The following DOCK9 variants were observed in gnomAD, a reference collection of about 807,000 sequenced individuals.
The protein encoded by DOCK9 is dedicator of cytokinesis 9, also known as dedicator of cytokinesis protein 9.
DOCK9 carries 89 observed loss-of-function variants against 263.3 expected under a neutral mutation model. That is an observed-to-expected ratio of 0.34 (90% confidence interval 0.28 to 0.40). The LOEUF (loss-of-function observed/expected upper bound fraction) is 0.40, where lower values mean the gene tolerates loss of function less well. DOCK9 is among the 10% of genes least tolerant of loss of function. The probability of loss-of-function intolerance (pLI) is 1.00; values close to 1 mark genes in which losing one functional copy is unlikely to be tolerated. For missense variants in DOCK9, 2,140 were observed against 2,603.4 expected, an observed-to-expected ratio of 0.82 and a Z score of 3.87; for synonymous variants, 976 against 973.1, an observed-to-expected ratio of 1.00 and a Z score of -0.06.
At chr13:98,887,125 T>TTATATA (rs1160298057) in intron 18 of DOCK9, among the ~76,000 whole-genome samples, 11 of 102,582 alleles carry the variant, frequency 1.1e-4, no homozygotes, top group African/African-American at 3.4e-4. Flanking sequence ...ATACTATATT[T>TTATATA]TATATATATA....
chr13:98,824,621 T>C, intron 44 of DOCK9, 117 bp from the exon 45 acceptor site: 1 of 921,100 alleles, frequency 1.1e-6, no homozygotes, highest in African/African-American at 1.6e-5. Flanking sequence ...TTTTGAAATC[T>C]CTTAGGCACC....
rs569194609 is a variant in DOCK9 at position 98,856,727 on chromosome 13, C to T, written c.3698-696G>A. 5 of 152,250 alleles carry T rather than the reference C, an allele frequency of 3.3e-5. No individual in the cohort carries two copies. The East Asian group carries it at 9.6e-4, about 29-fold the overall frequency. 9.4% of individuals were successfully genotyped at this position (152,250 alleles called of 1,614,324 possible). On this transcript the variant is annotated intron_variant, in intron 33 of 52. Transcript: ENST00000682017. ...TTATTAAAAATAAAATTAATTGTTTCCTTTAAATTTATGTGTATTATTTCT... is the reference window on the plus strand; with the variant it reads ...TTATTAAAAATAAAATTAATTGTTTTCTTTAAATTTATGTGTATTATTTCT...
intron 7 of DOCK9, among the ~76,000 whole-genome samples, chr13:98,917,819 C>A (rs930104706): frequency 6.6e-6 from 1 of 152,026 alleles, no homozygotes; most frequent in African/African-American, 2.4e-5. Context: ...GTATTTCTTG[C>A]TTTTTGAGAA....
intron 1 of DOCK9, among the ~76,000 whole-genome samples, chr13:98,987,757 T>A (rs1878802327): frequency 6.6e-6 from 1 of 152,246 alleles, no homozygotes; most frequent in Non-Finnish European, 1.5e-5. Flanking sequence ...GTTCACATAG[T>A]TACTATGCTT....
At chr13:98,837,637 G>T in intron 38 of DOCK9, 28 bp from the exon 39 acceptor site, 1 of 1,540,556 alleles carries the variant, frequency 6.5e-7, no homozygotes, top group Non-Finnish European at 9.0e-7. Flanking sequence ...CAAGATTACT[G>T]CCCAGTGGTT....
At chr13:98,842,010 GAT>G (rs869164744) in intron 38 of DOCK9, among the ~76,000 whole-genome samples, 1 of 151,944 alleles carries the variant, frequency 6.6e-6, no homozygotes, top group South Asian at 2.1e-4. Flanking sequence ...CAATTTTAAA[GAT>G]ATATTATCCA....
In DOCK9 at chr13:98,803,646, G is replaced by GT. The variant is rs769243868; in HGVS notation, c.5725+1352dup. 9.2e-5 allele frequency among the ~76,000 whole-genome samples: 14 copies of GT among 152,122 alleles called. No homozygotes were observed. The East Asian group carries it at 1.9e-3, about 21-fold the overall frequency. ...TTATCACAGCTGAACCATAAACACT[G>GT]TAAGCTGGTGATTCCCATAAAGTGA... On this transcript the variant is annotated intron_variant, in intron 49 of 52. Coordinates refer to ENST00000682017, the MANE Select transcript of DOCK9 (RefSeq NM_001366683.2).
intron 1 of DOCK9, among the ~76,000 whole-genome samples, chr13:99,052,416 C>G (rs2040737894): frequency 6.6e-6 from 1 of 152,208 alleles, no homozygotes; most frequent in African/African-American, 2.4e-5. Context: ...TTCTGCTATC[C>G]TAAATGATTT....
chr13:98,915,923 A>G (rs1242183543), intron 7 of DOCK9, among the ~76,000 whole-genome samples: 1 of 151,960 alleles, frequency 6.6e-6, no homozygotes, highest in Admixed American at 6.6e-5. Context: ...TTCAGCTCCT[A>G]TTTTTTTAAT....
At chr13:98,826,383 C>G (rs1286012163) in intron 44 of DOCK9, among the ~76,000 whole-genome samples, 1 of 152,208 alleles carries the variant, frequency 6.6e-6, no homozygotes, top group Non-Finnish European at 1.5e-5. Flanking sequence ...CCCTCTCCTT[C>G]CTCTGGGAGA....
At chr13:98,841,807 A>ATTC (rs2093228794) in intron 38 of DOCK9, among the ~76,000 whole-genome samples, 1 of 150,280 alleles carries the variant, frequency 6.7e-6, no homozygotes, top group Non-Finnish European at 1.5e-5. Flanking sequence ...TATTATTATT[A>ATTC]TTATTATTTG....
intron 1 of DOCK9, among the ~76,000 whole-genome samples, chr13:99,034,816 T>C (rs1436150720): frequency 6.6e-6 from 1 of 152,196 alleles, no homozygotes; most frequent in Non-Finnish European, 1.5e-5. Context: ...GAACTGTGAT[T>C]CGGTGTGGCC....
intron 2 of DOCK9, among the ~76,000 whole-genome samples, chr13:98,930,818 ATT>A (rs1322588257): frequency 6.6e-6 from 1 of 151,848 alleles, no homozygotes; most frequent in Non-Finnish European, 1.5e-5. Context: ...TTAATTTTGT[ATT>A]TTTAGTAGAG....
intron 37 of DOCK9, chr13:98,846,630 T>TACC: frequency 8.8e-7 from 1 of 1,141,598 alleles, no homozygotes; most frequent in South Asian, 1.2e-5. Flanking sequence ...TCCTGCTGTG[T>TACC]ACCATCACCA....
chr13:99,080,969 A>C (rs2042101393), intron 1 of DOCK9, among the ~76,000 whole-genome samples: 1 of 152,240 alleles, frequency 6.6e-6, no homozygotes, highest in African/African-American at 2.4e-5. Flanking sequence ...CTCCCTGTTC[A>C]AACTCAAGGC....
intron 1 of DOCK9, among the ~76,000 whole-genome samples, chr13:99,052,645 G>C (rs879528543): frequency 6.6e-6 from 1 of 152,078 alleles, no homozygotes; most frequent in Non-Finnish European, 1.5e-5. Context: ...ACCCAGGCTG[G>C]AGAGCAACGC....
rs71719426 is a variant in DOCK9 at position 98,954,863 on chromosome 13, T to TACACACACACACACACACACACAC, written c.243+548_243+571dup. On this transcript the variant is annotated intron_variant, in intron 2 of 52. Transcript: ENST00000682017. ...CAGAGTATAGCACTTTTATTCAAGA[T>TACACACACACACACACACACACAC]ACACACACACACACACACACACACA... Among the ~76,000 whole-genome samples, 11 of 146,478 alleles carry TACACACACACACACACACACACAC rather than the reference T, an allele frequency of 7.5e-5. 1 individual carries two copies. In the East Asian group the frequency reaches 1.6e-3, roughly 22 times the overall value.
chr13:99,016,854 C>T (rs1183537673), intron 1 of DOCK9, among the ~76,000 whole-genome samples: 2 of 152,202 alleles, frequency 1.3e-5, no homozygotes, highest in African/African-American at 4.8e-5. Flanking sequence ...AATTTCATTT[C>T]TCTCTATAGA....
chr13:98,883,844 G>A lies in DOCK9; in HGVS notation c.2438C>T (p.Ser813Phe), dbSNP rs778275450. Reference protein sequence around the residue: ...VDGGKPLLKISTHLVSTVYTQ... With the variant: ...VDGGKPLLKIFTHLVSTVYTQ... ...ATACACTGTAGAAACCAGATGAGTG[G>A]AAATTTTCAGCAGTGGCTTGCCTCC... The change falls in exon 22 of 53, where the codon TCC becomes TTC. Residue 813 changes from serine to phenylalanine, a missense_variant. Transcript: ENST00000682017. 11 of 1,612,552 alleles carry A rather than the reference G, an allele frequency of 6.8e-6. No individual in the cohort carries two copies. The highest frequency in any genetic ancestry group is 1.7e-5 in the Admixed American group (1 of 59,878).
Sources: gnomAD v4.1 joint callset for allele counts (sites outside exome capture counted in the v4.1 genomes callset) on GRCh38, gnomAD v4.1.1 for gene constraint, MANE v1.5 for transcripts, NCBI Gene and HGNC (gene_info 2026-07-23, HGNC 2026-07-21) for gene names.